DCBLD2: variants seen among roughly 807,000 people sequenced by gnomAD.
DCBLD2 encodes the protein discoidin, CUB and LCCL domain-containing protein 2.
A neutral mutation model predicts 86.8 loss-of-function variants in DCBLD2; 54 were observed. The ratio of observed to expected loss-of-function variants is 0.62; its 90% CI spans 0.50 to 0.78. The LOEUF is 0.78. DCBLD2 is among the 30% of genes least tolerant of loss of function. DCBLD2 has a pLI of 0.00. For synonymous variants in DCBLD2, 354 were observed against 341.3 expected (o/e 1.04, Z -0.41); for missense variants, 908 against 954.2 (o/e 0.95, Z 0.64).
At position 98,901,592 on chromosome 3, in the gene DCBLD2, C is replaced by G. The variant is rs1317779829; in HGVS notation, c.-266G>C. 3.4e-6 allele frequency: 1 copy of G among 294,398 alleles called. No individual in the cohort carries two copies. Among genetic ancestry groups the G allele is most frequent in the Non-Finnish European group, 6.2e-6 (1 of 160,824 alleles). The allele number at this position is 294,398 out of a possible 1,614,324, so 18.2% of individuals were successfully genotyped here. ...AGCGGAGTCCTCGAGCCGCGGAGGA[C>G]GGCCGCGGCGGAGCTAAGGAACGTG... is the stretch of plus-strand genomic sequence containing the variant. On this transcript the variant is annotated 5_prime_UTR_variant, in exon 1 of 16. Coordinates refer to ENST00000326840, the MANE Select transcript of DCBLD2 (RefSeq NM_080927.4).
intron 3 of DCBLD2, among the ~76,000 whole-genome samples, chr3:98,836,604 T>C (rs1376239711): frequency 2.7e-3 from 366 of 134,346 alleles, no homozygotes; most frequent in Middle Eastern, 4.0e-3. Flanking sequence ...CAATGAGCTG[T>C]TGGGCACACC....
intron 1 of DCBLD2, among the ~76,000 whole-genome samples, chr3:98,887,581 T>C (rs1159840754): frequency 6.6e-6 from 1 of 152,040 alleles, no homozygotes; most frequent in Non-Finnish European, 1.5e-5. Context: ...ACTCCAGTCT[T>C]CTTTAGTGTT....
intron 4 of DCBLD2, among the ~76,000 whole-genome samples, chr3:98,823,742 G>C (rs1014000567): frequency 2.6e-5 from 4 of 152,210 alleles, no homozygotes; most frequent in Admixed American, 6.5e-5. Flanking sequence ...AGTGCTTTAG[G>C]TAATCCATAT....
At chr3:98,805,715 C>T (rs1941825893) in intron 13 of DCBLD2, among the ~76,000 whole-genome samples, 1 of 152,260 alleles carries the variant, frequency 6.6e-6, no homozygotes, top group South Asian at 2.1e-4. Flanking sequence ...TCCTTAACGC[C>T]AGGTGTGTGG....
At chr3:98,845,697 C>T (rs1942708231) in intron 3 of DCBLD2, among the ~76,000 whole-genome samples, 1 of 152,206 alleles carries the variant, frequency 6.6e-6, no homozygotes, top group Non-Finnish European at 1.5e-5. Flanking sequence ...CCAACCCTTA[C>T]ATTTTCTGTA....
chr3:98,866,526 T>C (rs1458419873), intron 2 of DCBLD2, among the ~76,000 whole-genome samples: 2 of 152,256 alleles, frequency 1.3e-5, no homozygotes, highest in Non-Finnish European at 2.9e-5. Flanking sequence ...AAGTGTCTGT[T>C]CATATCATTT....
At chr3:98,899,444 G>A (rs1039751610) in intron 1 of DCBLD2, among the ~76,000 whole-genome samples, 1 of 151,902 alleles carries the variant, frequency 6.6e-6, no homozygotes, top group Non-Finnish European at 1.5e-5. Flanking sequence ...GAGAGACGGG[G>A]TTTCACCATG....
At chr3:98,873,520 T>C (rs959305871) in intron 2 of DCBLD2, among the ~76,000 whole-genome samples, 1 of 152,078 alleles carries the variant, frequency 6.6e-6, no homozygotes, top group African/African-American at 2.4e-5. Flanking sequence ...ATAAACCTGT[T>C]AAACAATTAT....
chr3:98,817,688 CTT>C (rs1942047652), intron 9 of DCBLD2, 79 bp downstream of exon 9: 8 of 1,423,830 alleles, frequency 5.6e-6, no homozygotes, highest in Admixed American at 1.9e-5. Flanking sequence ...TTCTACATCT[CTT>C]TTATACAGGA....
chr3:98,801,093 G>C (rs142523483), intron 14 of DCBLD2, among the ~76,000 whole-genome samples: 1 of 152,296 alleles, frequency 6.6e-6, no homozygotes, highest in African/African-American at 2.4e-5. Flanking sequence ...CCTAAGAGCT[G>C]ATCCAGTAGT....
intron 2 of DCBLD2, among the ~76,000 whole-genome samples, chr3:98,876,230 TA>T (rs1477973651): frequency 6.6e-6 from 1 of 151,120 alleles, no homozygotes; most frequent in African/African-American, 2.4e-5. Flanking sequence ...CAAAGACCAA[TA>T]AAACTTGACA....
At chr3:98,826,342 C>T (rs1369689564) in intron 3 of DCBLD2, among the ~76,000 whole-genome samples, 3 of 152,170 alleles carry the variant, frequency 2.0e-5, no homozygotes, top group Admixed American at 2.0e-4. Flanking sequence ...GTTTTGGTCC[C>T]CTGGCACAAG....
intron 3 of DCBLD2, among the ~76,000 whole-genome samples, chr3:98,836,551 C>T (rs1313168793): frequency 6.6e-6 from 1 of 151,296 alleles, no homozygotes; most frequent in Non-Finnish European, 1.5e-5. Flanking sequence ...CCTTTCCCGC[C>T]TTTCTATTCC....
chr3:98,878,450 C>CT (rs1228309852), intron 2 of DCBLD2, among the ~76,000 whole-genome samples: 3 of 152,042 alleles, frequency 2.0e-5, no homozygotes, highest in Admixed American at 6.6e-5. Context: ...CTCTCTTCTC[C>CT]TTTAATGCTT....
In DCBLD2 at chr3:98,825,303, A is replaced by G; in HGVS notation, c.623+12T>C. The G allele has an allele frequency of 6.6e-7, 1 of 1,511,032 alleles. No homozygotes were observed. The highest frequency in any genetic ancestry group is 8.8e-7 in the Non-Finnish European group (1 of 1,138,050). 93.6% of individuals were successfully genotyped at this position (1,511,032 alleles called of 1,614,324 possible). ...GCAAAAAAAAAAAAAAAAGTCACAA[A>G]TATAATCATACCTGAACTCAGGTTC... On this transcript the variant is annotated intron_variant, in intron 4 of 15. Transcript: ENST00000326840.
At chr3:98,870,942 A>T (rs1943271805) in intron 2 of DCBLD2, among the ~76,000 whole-genome samples, 2 of 151,448 alleles carry the variant, frequency 1.3e-5, no homozygotes, top group African/African-American at 4.8e-5. Context: ...ATTTGTTTGT[A>T]TCATCTATGG....
chr3:98,848,118 T>G (rs1942761149), intron 3 of DCBLD2, among the ~76,000 whole-genome samples: 1 of 152,170 alleles, frequency 6.6e-6, no homozygotes. Flanking sequence ...CCTGATCCTC[T>G]CCCACCTCCC....
At chr3:98,865,088 A>T (rs2107504258) in intron 2 of DCBLD2, among the ~76,000 whole-genome samples, 1 of 152,296 alleles carries the variant, frequency 6.6e-6, no homozygotes, top group East Asian at 1.9e-4. Flanking sequence ...CTACCATATG[A>T]TCCAGTAATT....
chr3:98,817,558 C>T (rs1278408519), intron 9 of DCBLD2, among the ~76,000 whole-genome samples: 1 of 152,122 alleles, frequency 6.6e-6, no homozygotes, highest in Non-Finnish European at 1.5e-5. Context: ...CAGAAAAGTA[C>T]TCACCGTTAC....
Sources: allele counts gnomAD v4.1 joint callset (sites outside exome capture counted in the v4.1 genomes callset), GRCh38; gene constraint gnomAD v4.1.1; transcripts MANE v1.5; gene names NCBI Gene and HGNC (gene_info 2026-07-23, HGNC 2026-07-21).